The following POLB variants were observed in gnomAD, a reference collection of about 807,000 sequenced individuals.
POLB encodes the protein DNA polymerase beta.
A neutral mutation model predicts 52.7 loss-of-function variants in POLB; 37 were observed. The ratio of observed to expected loss-of-function variants is 0.70; its 90% CI spans 0.54 to 0.92. The LOEUF is 0.92. Among genes scored for constraint, POLB ranks in the 40% least tolerant of loss-of-function variants. The pLI is 0.00. For synonymous variants in POLB, 138 were observed against 131.3 expected (o/e 1.05, Z -0.35); for missense variants, 313 against 400.8 (o/e 0.78, Z 1.87).
rs766434590 is a variant in POLB, at chr8:42,349,171, A to G, written c.261+81A>G. 43 of 760,624 alleles carry G rather than the reference A, an allele frequency of 5.7e-5. 1 individual carries two copies. Among genetic ancestry groups the G allele is most frequent in the African/African-American group, 3.4e-4 (19 of 56,342 alleles). The allele number at this position is 760,624 out of a possible 1,614,324, so 47.1% of individuals were successfully genotyped here. On this transcript the variant is annotated intron_variant, in intron 4 of 13. Transcript: ENST00000265421. ...ATGTAGCGTCATTGCAGGGTGACCAATGTCATTCACTGTAGTGAGACTCAC... is the reference window on the plus strand; with the variant it reads ...ATGTAGCGTCATTGCAGGGTGACCAGTGTCATTCACTGTAGTGAGACTCAC...
At chr8:42,340,761 C>G (rs1179000598) in intron 2 of POLB, among the ~76,000 whole-genome samples, 1 of 152,250 alleles carries the variant, frequency 6.6e-6, no homozygotes, top group Admixed American at 6.5e-5. Context: ...TCCATTCCCA[C>G]TCCACACAGT....
intron 13 of POLB, 49 bp downstream of exon 13, chr8:42,370,037 G>C: frequency 6.8e-7 from 1 of 1,460,766 alleles, no homozygotes; most frequent in Non-Finnish European, 9.6e-7. Context: ...TGGAGAGAAG[G>C]TTATTTTCAA....
chr8:42,349,355 A>T (rs1822825246), intron 4 of POLB: 2 of 278,286 alleles, frequency 7.2e-6, no homozygotes, highest in Non-Finnish European at 1.3e-5. Context: ...ATAAACTTTG[A>T]CTGAAAGATC....
chr8:42,354,955 G>T (rs747469315), intron 6 of POLB, among the ~76,000 whole-genome samples: 1 of 152,186 alleles, frequency 6.6e-6, no homozygotes, highest in African/African-American at 2.4e-5. Flanking sequence ...AAAACATTCA[G>T]AAGTTATGGT....
At chr8:42,343,346 ATATATAT>A (rs1308390221) in intron 2 of POLB, among the ~76,000 whole-genome samples, 4 of 19,974 alleles carry the variant, frequency 2.0e-4, no homozygotes, top group Non-Finnish European at 2.4e-4. Flanking sequence ...AAAAAAAAAA[ATATATAT>A]ATATATATAT....
intron 2 of POLB, among the ~76,000 whole-genome samples, chr8:42,341,533 C>G (rs573124714): frequency 5.3e-5 from 8 of 152,348 alleles, no homozygotes; most frequent in African/African-American, 1.9e-4. Context: ...ACTGTCACTT[C>G]TCATCAGCAT....
At chr8:42,361,022 G>A in intron 9 of POLB, 2 of 576,502 alleles carry the variant, frequency 3.5e-6, no homozygotes, top group Non-Finnish European at 6.4e-6. Flanking sequence ...AGTTACTTAG[G>A]TGCATTTTTA....
At chr8:42,342,518 C>T in intron 2 of POLB, 1 of 888,520 alleles carries the variant, frequency 1.1e-6, no homozygotes, top group South Asian at 1.3e-5. Flanking sequence ...TTATTTTTAT[C>T]CTGTATTACC....
At chr8:42,344,512 G>A (rs1205749681) in intron 2 of POLB, among the ~76,000 whole-genome samples, 1 of 151,234 alleles carries the variant, frequency 6.6e-6, no homozygotes, top group Non-Finnish European at 1.5e-5. Flanking sequence ...TGGTCTGTCA[G>A]CTCATCTGAT....
At chr8:42,371,457 C>A in intron 13 of POLB, 106 bp from the exon 14 acceptor site, 16 of 423,150 alleles carry the variant, frequency 3.8e-5, no homozygotes, top group East Asian at 8.0e-5. Context: ...TTACCATTTT[C>A]TTTTTTCTTC....
chr8:42,346,471 G>C (rs1319404867), intron 3 of POLB, among the ~76,000 whole-genome samples: 3 of 148,748 alleles, frequency 2.0e-5, no homozygotes, highest in Non-Finnish European at 1.5e-5. Flanking sequence ...CTGCAGCCTT[G>C]ACCCTCCCAG....
intron 3 of POLB, among the ~76,000 whole-genome samples, chr8:42,346,658 T>C (rs3136738): frequency 0.76 from 115,281 of 152,004 alleles, 47,992 homozygotes; most frequent in Non-Finnish European, 0.93. Context: ...CCTCCCAAAG[T>C]GCTGGGATTA....
chr8:42,349,830 G>T (rs776217049), intron 4 of POLB, among the ~76,000 whole-genome samples, 177 bp from the exon 5 acceptor site: 1 of 152,138 alleles, frequency 6.6e-6, no homozygotes, highest in Non-Finnish European at 1.5e-5. Context: ...GACATCTTCA[G>T]TTACTCTGTT....
At chr8:42,355,618 T>A (rs1038356213) in intron 7 of POLB, 51 bp downstream of exon 7, 1 of 1,129,702 alleles carries the variant, frequency 8.9e-7, no homozygotes, top group South Asian at 1.3e-5. Context: ...GTAAATTTTT[T>A]ATAGACATTC....
At chr8:42,363,303 C>T (rs1053852059) in intron 11 of POLB, among the ~76,000 whole-genome samples, 5 of 151,650 alleles carry the variant, frequency 3.3e-5, no homozygotes, top group African/African-American at 7.2e-5. Flanking sequence ...CCGAGGTCAG[C>T]GGATTACAAG....
At chr8:42,350,193 C>A in intron 5 of POLB, 128 bp downstream of exon 5, 1 of 709,090 alleles carries the variant, frequency 1.4e-6, no homozygotes. Context: ...TACAGTTCAC[C>A]CTTCCATAGC....
At chr8:42,346,722 A>G (rs1822638249) in intron 3 of POLB, among the ~76,000 whole-genome samples, 1 of 152,256 alleles carries the variant, frequency 6.6e-6, no homozygotes, top group African/African-American at 2.4e-5. Flanking sequence ...TTTGCCCTTC[A>G]GAGTCATAAC....
intron 2 of POLB, among the ~76,000 whole-genome samples, chr8:42,344,585 C>T (rs545649872): frequency 3.3e-5 from 5 of 151,974 alleles, no homozygotes; most frequent in South Asian, 2.1e-4. Context: ...CTGTAATCCC[C>T]GCACTTTGGG....
rs772560551 is a variant in POLB at position 42,344,933 on chromosome 8, C to G, written c.120-20C>G. 36 of 1,516,290 alleles carry G rather than the reference C, an allele frequency of 2.4e-5. No individual in the cohort carries two copies. In the East Asian group the frequency reaches 5.9e-4, roughly 25 times the overall value. The allele number at this position is 1,516,290 out of a possible 1,614,324, so 93.9% of individuals were successfully genotyped here. ...CTTGATGGATTTCTAATTGGTTTTC[C>G]TTTTCTTCTTTCCTTATAGAAAAGC... On this transcript the variant is annotated intron_variant, in intron 2 of 13. Transcript: ENST00000265421.
Sources: allele counts gnomAD v4.1 joint callset (sites outside exome capture counted in the v4.1 genomes callset), GRCh38; gene constraint gnomAD v4.1.1; transcripts MANE v1.5; gene names NCBI Gene and HGNC (gene_info 2026-07-23, HGNC 2026-07-21).